The following DMBX1 variants were observed in gnomAD, a reference collection of about 807,000 sequenced individuals.
DMBX1 encodes the protein diencephalon/mesencephalon homeobox 1.
DMBX1 carries 7 observed loss-of-function variants against 30.4 expected under a neutral mutation model. The observed-to-expected ratio is 0.23, with a 90% confidence interval of 0.13 to 0.43. The LOEUF is 0.43. DMBX1 is among the 20% of genes least tolerant of loss of function. The pLI, the probability that DMBX1 is intolerant of heterozygous loss-of-function variation, is 1.00. For synonymous variants in DMBX1, 222 were observed against 214.2 expected (o/e 1.04, Z -0.32); for missense variants, 460 against 508.5 (o/e 0.90, Z 0.92).
At position 46,512,805 on chromosome 1, in the gene DMBX1, T is replaced by C; in HGVS notation, c.*311T>C. 2.7e-6 allele frequency: 1 copy of C among 373,698 alleles called. No individual in the cohort carries two copies. The allele number at this position is 373,698 out of a possible 1,614,324, so 23.1% of individuals were successfully genotyped here. The stretch of plus-strand genomic sequence containing the variant: ...CCTCATCTCAATAGCACCTCCTCCC[T>C]TTTCTCCCTATCCTTCTGCCCCCTA... On this transcript the variant is annotated 3_prime_UTR_variant, in exon 6 of 6. Transcript: ENST00000360032. This position sits in a 1 kb window ranked among gnomAD's most constrained non-coding sequence, Gnocchi z 4.8.
rs1459866841 is a variant in DMBX1, at chr1:46,510,871, C to T, written c.334-64C>T. 2 of 1,483,604 alleles carry T rather than the reference C, an allele frequency of 1.3e-6. No individual in the cohort carries two copies. Among genetic ancestry groups the T allele is most frequent in the African/African-American group, 2.8e-5 (2 of 71,402 alleles). 91.9% of individuals were successfully genotyped at this position (1,483,604 alleles called of 1,614,324 possible). A position where few individuals can be genotyped will look rare whatever the true frequency, so the allele number is the denominator to read the frequency against. On this transcript the variant is annotated intron_variant, in intron 4 of 5. Transcript: ENST00000360032. The surrounding 1 kb of genome is among the most constrained non-coding windows in gnomAD (Gnocchi z 4.1). ...ATCACGTACATCCTCTCCCAGAGCA[C>T]CCTGCTCCACACCAACCCCACTTCT...
Position 46,512,293 on chromosome 1 carries a change from C to T in DMBX1, c.933C>T (p.His311=). ...ACATGGCCCCGCTGGGCTCACTGCA[C>T]TGCCAGTCCTACTACCAGTCCCTGT... ...GVNMAPLGSL[H]CQSYYQSLSA... is the part of the protein sequence containing the mutation. The change falls in exon 6 of 6, where the codon CAC becomes CAT. Residue 311 remains histidine (H), a synonymous_variant. Transcript: ENST00000360032. This position sits in a 1 kb window ranked among gnomAD's most constrained non-coding sequence, Gnocchi z 4.8. 1 of 1,613,590 alleles carries T rather than the reference C, an allele frequency of 6.2e-7. No individual in the cohort carries two copies. The highest frequency in any genetic ancestry group is 8.5e-7 in the Non-Finnish European group (1 of 1,179,894).
intron 2 of DMBX1, among the ~76,000 whole-genome samples, chr1:46,499,280 G>T (rs1666079590): frequency 6.6e-6 from 1 of 152,146 alleles, no homozygotes; most frequent in African/African-American, 2.4e-5. Context: ...CAGGTGATCT[G>T]CCCACTTTGG....
rs183687851 is a variant in DMBX1, at chr1:46,500,518, G to A, written c.-12-6481G>A. On this transcript the variant is annotated intron_variant, in intron 2 of 5. Transcript: ENST00000360032. ...GCCTGGTTTCATCCTCATATCCAGC[G>A]AAAGACGTGGATACCTCCCCCCAGC... Among the ~76,000 whole-genome samples the A allele has an allele frequency of 2.1e-3, 312 of 151,736 alleles. 1 individual carries two copies. Among genetic ancestry groups the A allele is most frequent in the African/African-American group, 7.2e-3 (297 of 41,314 alleles).
In DMBX1 at chr1:46,507,181, T is replaced by C; in HGVS notation, c.154+17T>C. ...GCCTGGCTGGTAAGGGCCCTGGGGA[T>C]GGGACCATGGGGACAGGACTGTGGG... On this transcript the variant is annotated intron_variant, in intron 3 of 5. Coordinates refer to ENST00000360032, the MANE Select transcript of DMBX1 (RefSeq NM_172225.2). 1 of 1,613,706 alleles carries C rather than the reference T, an allele frequency of 6.2e-7. No individual in the cohort carries two copies. The highest frequency in any genetic ancestry group is 1.1e-5 in the South Asian group (1 of 91,038).
Position 46,491,914 on chromosome 1 carries a change from T to C in DMBX1, c.-13+1131T>C, listed in dbSNP as rs369290188. Among the ~76,000 whole-genome samples the C allele has an allele frequency of 2.6e-5, 4 of 152,246 alleles. No individual in the cohort carries two copies. Among genetic ancestry groups the C allele is most frequent in the African/African-American group, 9.6e-5 (4 of 41,462 alleles). ...TCAGAAAAAAATCGAATTTGCTGCC[T>C]AGTGAGAGCAAATTCTCTGGATAAT... On this transcript the variant is annotated intron_variant, in intron 2 of 5. Transcript: ENST00000360032. The surrounding 1 kb of genome is among the most constrained non-coding windows in gnomAD (Gnocchi z 5.5).
chr1:46,505,845 T>C (rs1286679326), intron 2 of DMBX1, among the ~76,000 whole-genome samples: 1 of 151,768 alleles, frequency 6.6e-6, no homozygotes, highest in African/African-American at 2.4e-5. Context: ...GGCCCTGGAC[T>C]GGCTGTGTGG....
rs1157554094 is a variant in DMBX1, at chr1:46,491,207, C to T, written c.-13+424C>T. On this transcript the variant is annotated intron_variant, in intron 2 of 5. Coordinates refer to ENST00000360032, the MANE Select transcript of DMBX1 (RefSeq NM_172225.2). This position sits in a 1 kb window ranked among gnomAD's most constrained non-coding sequence, Gnocchi z 5.5. ...GCCCCGACTTTTCCTGGATTCCAGC[C>T]ACACTCGGTTTGGGAGGCAGTGGGC... 1.3e-5 allele frequency among the ~76,000 whole-genome samples: 2 copies of T among 152,206 alleles called. No individual in the cohort carries two copies. The highest frequency in any genetic ancestry group is 2.9e-5 in the Non-Finnish European group (2 of 68,036).
intron 2 of DMBX1, among the ~76,000 whole-genome samples, chr1:46,505,944 A>G (rs1478534032): frequency 6.6e-6 from 1 of 152,008 alleles, no homozygotes; most frequent in Non-Finnish European, 1.5e-5. Context: ...CTTCTTGGAG[A>G]TATGGTGAGA....
chr1:46,512,550 T>TTA lies in DMBX1; in HGVS notation c.*58_*59dup. 2.6e-6 allele frequency: 4 copies of TTA among 1,547,510 alleles called. No homozygotes were observed. Among genetic ancestry groups the TTA allele is most frequent in the Non-Finnish European group, 3.5e-6 (4 of 1,144,152 alleles). ...TAGGTGTCCCCTCCTAGCCCTGTGG[T>TTA]TATCCCTAGGTGGCTCTCGAGGAGT... On this transcript the variant is annotated 3_prime_UTR_variant, in exon 6 of 6. Transcript: ENST00000360032. This position sits in a 1 kb window ranked among gnomAD's most constrained non-coding sequence, Gnocchi z 4.8.
chr1:46,499,869 GCA>G (rs1666091053), intron 2 of DMBX1, among the ~76,000 whole-genome samples: 1 of 152,166 alleles, frequency 6.6e-6, no homozygotes, highest in South Asian at 2.1e-4. Context: ...GTGGTATCTG[GCA>G]CAGAGTGTGT....
Position 46,510,572 on chromosome 1 carries a change from C to T in DMBX1, c.251C>T (p.Thr84Ile). ...CAGCAGCTCGAGGCCCTGGAAAAGA[C>T]CTTCCAGAAGACTCACTACCCAGAT... Reference protein sequence around the residue: ...TAQQLEALEKTFQKTHYPDVV... With the variant: ...TAQQLEALEKIFQKTHYPDVV... Residue 84 changes from threonine to isoleucine, a missense_variant, in exon 4 of 6, where the codon ACC becomes ATC. Physicochemically the swap from Thr to Ile is moderately conservative, Grantham distance 89. This residue lies in a region of DMBX1 where 124 missense variants were observed against 144.0 expected (regional missense o/e 0.86). Coordinates refer to ENST00000360032, the MANE Select transcript of DMBX1 (RefSeq NM_172225.2). The surrounding 1 kb of genome is among the most constrained non-coding windows in gnomAD (Gnocchi z 4.1). 1 of 1,614,180 alleles carries T rather than the reference C, an allele frequency of 6.2e-7. No homozygotes were observed. Among genetic ancestry groups the T allele is most frequent in the Non-Finnish European group, 8.5e-7 (1 of 1,180,028 alleles).
chr1:46,500,030 A>G (rs1384121069), intron 2 of DMBX1, among the ~76,000 whole-genome samples: 2 of 152,216 alleles, frequency 1.3e-5, no homozygotes, highest in Non-Finnish European at 2.9e-5. Flanking sequence ...AAGAGGGCTC[A>G]GTTGAGCTAG....
At chr1:46,511,429 C>T (rs901816242) in intron 5 of DMBX1, 146 bp downstream of exon 5, 3 of 977,864 alleles carry the variant, frequency 3.1e-6, no homozygotes, top group Non-Finnish European at 4.3e-6. Context: ...AGGTTTTCAC[C>T]CTTTAGTTGC....
intron 3 of DMBX1, 39 bp downstream of exon 3, chr1:46,507,203 TG>T (rs758546090): frequency 9.3e-6 from 15 of 1,605,614 alleles, no homozygotes; most frequent in Admixed American, 1.7e-5. Flanking sequence ...GACAGGACTG[TG>T]GGGGTTGGGG....
At position 46,514,225 on chromosome 1, in the gene DMBX1, A is replaced by T. The variant is rs3059464; in HGVS notation, c.*1731A>T. ...GAGACTCCATCTCAAAAAAAAAAAA[A>T]AAATAAATAAAAGCTGTGTGACCTT... On this transcript the variant is annotated 3_prime_UTR_variant, in exon 6 of 6. Coordinates refer to ENST00000360032, the MANE Select transcript of DMBX1 (RefSeq NM_172225.2). 6.5e-3 allele frequency: 886 copies of T among 137,356 alleles called. 6 individuals are homozygous for T. Among genetic ancestry groups the T allele is most frequent in the African/African-American group, 9.8e-3 (393 of 40,064 alleles). The allele number at this position is 137,356 out of a possible 1,614,324, so 8.5% of individuals were successfully genotyped here. A position where few individuals can be genotyped will look rare whatever the true frequency, so the allele number is the denominator to read the frequency against.
intron 3 of DMBX1, among the ~76,000 whole-genome samples, chr1:46,509,357 G>T (rs539332415): frequency 4.4e-4 from 67 of 152,308 alleles, no homozygotes; most frequent in Non-Finnish European, 7.6e-4. Context: ...GAGCCACTGT[G>T]CCGGGCCTCC....
At position 46,512,829 on chromosome 1, in the gene DMBX1, T is replaced by G; in HGVS notation, c.*335T>G. On this transcript the variant is annotated 3_prime_UTR_variant, in exon 6 of 6. Transcript: ENST00000360032. This position sits in a 1 kb window ranked among gnomAD's most constrained non-coding sequence, Gnocchi z 4.8. The stretch of plus-strand genomic sequence containing the variant: ...CTTTTCTCCCTATCCTTCTGCCCCC[T>G]AGTAAGTCTACGTGTGGAATGTGAG... 3.2e-6 allele frequency: 1 copy of G among 312,786 alleles called. No homozygotes were observed. The highest frequency in any genetic ancestry group is 5.9e-6 in the Non-Finnish European group (1 of 169,354). 19.4% of individuals were successfully genotyped at this position (312,786 alleles called of 1,614,324 possible).
chr1:46,500,854 T>C (rs1404913188), intron 2 of DMBX1, among the ~76,000 whole-genome samples: 1 of 152,198 alleles, frequency 6.6e-6, no homozygotes, highest in Non-Finnish European at 1.5e-5. Context: ...AAACTAATCC[T>C]CTCTCGATGG....
Sources: allele counts gnomAD v4.1 joint callset (sites outside exome capture counted in the v4.1 genomes callset), GRCh38; gene constraint gnomAD v4.1.1; regional missense constraint gnomAD v4.1.1; non-coding constraint Gnocchi (gnomAD v3.1); transcripts MANE v1.5; gene names NCBI Gene and HGNC (gene_info 2026-07-23, HGNC 2026-07-21).